GALK2: variants seen among roughly 807,000 people sequenced by gnomAD.
The protein encoded by GALK2 is N-acetylgalactosamine kinase.
Under a neutral mutation model 52.4 loss-of-function variants are expected in GALK2, and 36 were observed. That is an observed-to-expected ratio of 0.69 (90% CI 0.53 to 0.91). The LOEUF (loss-of-function observed/expected upper bound fraction) is 0.91, where lower values mean the gene tolerates loss of function less well. Ranked by LOEUF, GALK2 falls within the 40% of genes least tolerant of loss-of-function variation. The pLI is 0.00. For missense variants in GALK2, 579 were observed against 559.1 expected, an observed-to-expected ratio of 1.04 and a Z score of -0.36; for synonymous variants, 176 against 199.1, an observed-to-expected ratio of 0.88 and a Z score of 0.98.
intron 2 of GALK2, among the ~76,000 whole-genome samples, chr15:49,210,804 T>G (rs2084868585): frequency 6.6e-6 from 1 of 152,118 alleles, no homozygotes; most frequent in African/African-American, 2.4e-5. Context: ...TGGAGTGTAG[T>G]GGCACGATCT....
chr15:49,326,319 G>A (rs961441727), intron 9 of GALK2, among the ~76,000 whole-genome samples: 3 of 144,828 alleles, frequency 2.1e-5, no homozygotes, highest in Non-Finnish European at 4.5e-5. Context: ...GGAGTGCAGC[G>A]GTGCAATCTC....
chr15:49,241,031 A>G (rs1273642976), intron 5 of GALK2, among the ~76,000 whole-genome samples: 1 of 152,184 alleles, frequency 6.6e-6, no homozygotes, highest in East Asian at 1.9e-4. Context: ...TTGATTGGGC[A>G]TGGGAATGGG....
chr15:49,246,477 A>G (rs1760076015), intron 5 of GALK2, among the ~76,000 whole-genome samples: 1 of 152,186 alleles, frequency 6.6e-6, no homozygotes, highest in Admixed American at 6.5e-5. Flanking sequence ...GTAGAGAAGT[A>G]TAGGGTTGAG....
chr15:49,199,428 T>A (rs1007139076), intron 1 of GALK2, among the ~76,000 whole-genome samples: 5 of 152,188 alleles, frequency 3.3e-5, no homozygotes, highest in Non-Finnish European at 7.4e-5. Flanking sequence ...TACCAGGTAG[T>A]CCAGTAGATG....
chr15:49,316,610 A>G (rs1016445658), intron 8 of GALK2, among the ~76,000 whole-genome samples: 3 of 151,258 alleles, frequency 2.0e-5, no homozygotes, highest in Non-Finnish European at 4.4e-5. Context: ...AGCTCAAAGT[A>G]TAATACAAAT....
intron 5 of GALK2, among the ~76,000 whole-genome samples, chr15:49,281,540 A>G (rs1407670694): frequency 6.6e-6 from 1 of 152,210 alleles, no homozygotes; most frequent in East Asian, 1.9e-4. Flanking sequence ...AGACTTCATT[A>G]CTTTTGGACA....
intron 5 of GALK2, among the ~76,000 whole-genome samples, chr15:49,261,447 T>C (rs934244980): frequency 2.6e-5 from 4 of 151,898 alleles, no homozygotes; most frequent in African/African-American, 9.7e-5. Context: ...AAGTTGCTTA[T>C]CAGCTTAAGG....
At chr15:49,348,019 CA>C (rs67614443) in intron 3 of GALK2, among the ~76,000 whole-genome samples, 23,116 of 70,626 alleles carry the variant, frequency 0.33, 1,194 homozygotes, top group African/African-American at 0.39. Context: ...AACTCTGTCT[CA>C]AAAAAAAAAA....
At chr15:49,299,768 TTTCTTTCTTTC>T (rs1567037637) in intron 8 of GALK2, among the ~76,000 whole-genome samples, 4 of 130,102 alleles carry the variant, frequency 3.1e-5, no homozygotes, top group East Asian at 2.0e-4. Context: ...TCTTTCTTTC[TTTCTTTCTTTC>T]TTTCTTTCTT....
intron 9 of GALK2, 104 bp downstream of exon 9, chr15:49,319,909 C>T: frequency 4.1e-6 from 4 of 969,874 alleles, no homozygotes; most frequent in Non-Finnish European, 6.1e-6. Flanking sequence ...AAGATCATTC[C>T]CCACTTCCTA....
chr15:49,187,439 G>C (rs1229478816), intron 1 of GALK2, among the ~76,000 whole-genome samples: 1 of 152,164 alleles, frequency 6.6e-6, no homozygotes, highest in Non-Finnish European at 1.5e-5. Context: ...ACCATGTCAT[G>C]GTTACCACTG....
At chr15:49,183,281 T>C (rs1321826807) in intron 1 of GALK2, among the ~76,000 whole-genome samples, 1 of 152,288 alleles carries the variant, frequency 6.6e-6, no homozygotes, top group Admixed American at 6.5e-5. Context: ...TTTCTACTTT[T>C]TTGACATGGG....
chr15:49,195,926 A>G (rs1181750632), intron 1 of GALK2, among the ~76,000 whole-genome samples: 1 of 152,034 alleles, frequency 6.6e-6, no homozygotes, highest in East Asian at 1.9e-4. Context: ...TCAGACTATT[A>G]TAGTTTCTGA....
intron 1 of GALK2, among the ~76,000 whole-genome samples, chr15:49,165,001 A>C (rs540395417): frequency 6.6e-6 from 1 of 152,126 alleles, no homozygotes; most frequent in East Asian, 1.9e-4. Context: ...TAATATATTC[A>C]TTTATTTACT....
At position 49,331,652 on chromosome 15, in the gene GALK2, C is replaced by A; in HGVS notation, c.*3493C>A. On this transcript the variant is annotated 3_prime_UTR_variant, in exon 10 of 10. Coordinates refer to ENST00000560031, the MANE Select transcript of GALK2 (RefSeq NM_002044.4). ...CATGTGCATGTAGATGATTAAGTAA[C>A]AAGAATGTATCCTCTCCTGCCACTG... 1 of 622,014 alleles carries A rather than the reference C, an allele frequency of 1.6e-6. No individual in the cohort carries two copies. The highest frequency in any genetic ancestry group is 2.9e-6 in the Non-Finnish European group (1 of 346,884). 38.5% of individuals were successfully genotyped at this position (622,014 alleles called of 1,614,324 possible).
chr15:49,168,825 A>C (rs1004447469), upstream of GALK2, among the ~76,000 whole-genome samples: 1 of 151,966 alleles, frequency 6.6e-6, no homozygotes, highest in Admixed American at 6.6e-5. Context: ...ACTATTTACA[A>C]GTGACAGTGA....
intron 5 of GALK2, among the ~76,000 whole-genome samples, chr15:49,275,748 G>A (rs1011167661): frequency 6.6e-6 from 1 of 152,086 alleles, no homozygotes; most frequent in African/African-American, 2.4e-5. Flanking sequence ...TGGATATCCA[G>A]GTTTAGCGAG....
intron 7 of GALK2, 64 bp downstream of exon 7, chr15:49,283,782 C>G: frequency 6.5e-7 from 1 of 1,541,464 alleles, no homozygotes; most frequent in Non-Finnish European, 8.9e-7. Flanking sequence ...TTTCATTGTT[C>G]TCTATTACTT....
intron 1 of GALK2, chr15:49,156,220 C>A: frequency 1.7e-6 from 1 of 587,624 alleles, no homozygotes; most frequent in East Asian, 3.0e-5. Context: ...AGTTGTTCAA[C>A]GAGTTGTAAA....
Sources: allele counts gnomAD v4.1 joint callset (sites outside exome capture counted in the v4.1 genomes callset), GRCh38; gene constraint gnomAD v4.1.1; transcripts MANE v1.5; gene names NCBI Gene and HGNC (gene_info 2026-07-23, HGNC 2026-07-21).